The following NFKB1 variants were observed in gnomAD, a reference collection of about 807,000 sequenced individuals.
NFKB1 encodes nuclear factor NF-kappa-B p105 subunit.
In NFKB1, 9 loss-of-function variants were observed where a neutral mutation model predicts 105.1. The observed-to-expected ratio is 0.09, with a 90% CI of 0.05 to 0.15. The LOEUF (loss-of-function observed/expected upper bound fraction) is 0.15. NFKB1 is among the 10% of genes least tolerant of loss of function. The probability of loss-of-function intolerance (pLI) is 1.00; values close to 1 mark genes in which losing one functional copy is unlikely to be tolerated. For missense variants in NFKB1, 830 were observed against 1,203.7 expected (o/e 0.69, Z 4.59); for synonymous variants, 440 against 442.2 (o/e 1.00, Z 0.06).
At chr4:102,600,395 T>G (rs1395505528) in intron 15 of NFKB1, among the ~76,000 whole-genome samples, 1 of 152,192 alleles carries the variant, frequency 6.6e-6, no homozygotes, top group African/African-American at 2.4e-5. Context: ...TCTGGAAAGA[T>G]CTTTAAAAAA....
At chr4:102,533,118 G>A (rs368079039) in intron 3 of NFKB1, among the ~76,000 whole-genome samples, 3 of 152,106 alleles carry the variant, frequency 2.0e-5, no homozygotes, top group African/African-American at 7.2e-5. Flanking sequence ...TTAGAACACA[G>A]TTTATATGAT....
In NFKB1 at chr4:102,504,923, G is replaced by A. The variant is rs550824780; in HGVS notation, c.-8+3135G>A. On this transcript the variant is annotated intron_variant, in intron 1 of 23. Coordinates refer to ENST00000226574, the MANE Select transcript of NFKB1 (RefSeq NM_003998.4). ...ATTAATATTTGAAACCACATAATTT[G>A]GACAGTTAATAGTTCTGGTAACATA... Among the ~76,000 whole-genome samples, 48 of 152,148 alleles carry A rather than the reference G, an allele frequency of 3.2e-4. No homozygotes were observed. The South Asian group carries it at 9.7e-3, about 31-fold the overall frequency.
intron 1 of NFKB1, chr4:102,511,053 C>CT: frequency 1.4e-6 from 1 of 730,550 alleles, no homozygotes; most frequent in Non-Finnish European, 1.9e-6. Context: ...TATAGAAGCT[C>CT]TTCCATCTTC....
chr4:102,613,006 A>G (rs1728567669), intron 22 of NFKB1, among the ~76,000 whole-genome samples: 1 of 148,090 alleles, frequency 6.8e-6, no homozygotes, highest in African/African-American at 2.5e-5. Flanking sequence ...TTACCCGGGG[A>G]TTTTTTTTTT....
At chr4:102,616,273 T>A (rs1006935267) in intron 23 of NFKB1, among the ~76,000 whole-genome samples, 161 bp from the exon 24 acceptor site, 1 of 152,236 alleles carries the variant, frequency 6.6e-6, no homozygotes, top group African/African-American at 2.4e-5. Flanking sequence ...CCCAAGTATC[T>A]TCTGCCCTTC....
chr4:102,567,119 A>G lies in NFKB1; in HGVS notation c.391A>G (p.Lys131Glu). The G allele has an allele frequency of 1.2e-6, 2 of 1,613,784 alleles. No individual in the cohort carries two copies. Among genetic ancestry groups the G allele is most frequent in the Non-Finnish European group, 1.7e-6 (2 of 1,179,718 alleles). Residue 131 changes from lysine (K) to glutamate (E), a missense_variant, in exon 6 of 24, where the codon AAG (lysine) becomes GAG (glutamate). Physicochemically the swap from Lys to Glu is moderately conservative, Grantham distance 56. This residue lies in a region of NFKB1 where 64 missense variants were observed against 79.9 expected (regional missense o/e 0.80). Transcript: ENST00000226574. Reference sequence around the variant, plus strand: ...GATCTGCACTGTAACTGCTGGACCCAAGGACATGGTGGTCGGGTAAGTAGG... The same window carrying G: ...GATCTGCACTGTAACTGCTGGACCCGAGGACATGGTGGTCGGGTAAGTAGG... ...DGICTVTAGP[K>E]DMVVGFANLG...
intron 5 of NFKB1, among the ~76,000 whole-genome samples, chr4:102,556,448 G>A (rs1722994915): frequency 6.6e-6 from 1 of 152,174 alleles, no homozygotes. Flanking sequence ...ATCTCTTTGA[G>A]CAGGAAGAAG....
intron 5 of NFKB1, among the ~76,000 whole-genome samples, chr4:102,561,276 T>TG (rs1415819353): frequency 0.011 from 1,052 of 93,892 alleles, 10 homozygotes; most frequent in African/African-American, 0.05. Flanking sequence ...TTTTTTTTTT[T>TG]TTTTTTGTGT....
At chr4:102,529,195 G>A (rs1008177731) in intron 2 of NFKB1, among the ~76,000 whole-genome samples, 1 of 152,064 alleles carries the variant, frequency 6.6e-6, no homozygotes, top group Non-Finnish European at 1.5e-5. Context: ...TTAGGGGGTC[G>A]TTATTCAGCT....
intron 5 of NFKB1, among the ~76,000 whole-genome samples, chr4:102,553,598 G>A (rs959057653): frequency 2.0e-5 from 3 of 151,930 alleles, no homozygotes; most frequent in African/African-American, 7.3e-5. Context: ...ATGTTATTAG[G>A]ATTTTTAAAA....
intron 4 of NFKB1, among the ~76,000 whole-genome samples, chr4:102,536,583 T>G (rs1031461341): frequency 3.3e-5 from 5 of 152,192 alleles, no homozygotes; most frequent in African/African-American, 1.2e-4. Context: ...CTTGGCATAA[T>G]GAAATGTAGT....
In NFKB1 at chr4:102,616,656, A is replaced by T; in HGVS notation, c.*62A>T. ...CCTAAAATTCCACTGCGTTGTCCACAAGACAGAAGCTGAAGTGCATCCAAA... is the reference window on the plus strand; with the variant it reads ...CCTAAAATTCCACTGCGTTGTCCACTAGACAGAAGCTGAAGTGCATCCAAA... On this transcript the variant is annotated 3_prime_UTR_variant, in exon 24 of 24. Coordinates refer to ENST00000226574, the MANE Select transcript of NFKB1 (RefSeq NM_003998.4). The T allele has an allele frequency of 6.4e-7, 1 of 1,557,812 alleles. No individual in the cohort carries two copies. Among genetic ancestry groups the T allele is most frequent in the South Asian group, 1.2e-5 (1 of 85,278 alleles).
chr4:102,576,318 A>G lies in NFKB1; in HGVS notation c.408-558A>G, dbSNP rs1236323406. On this transcript the variant is annotated intron_variant, in intron 6 of 23. Transcript: ENST00000226574. ...TTCAAAAGGAAAATAATCATTCCAA[A>G]TATAATATTCTTCTTATTCTTAAGA... 2.0e-5 allele frequency among the ~76,000 whole-genome samples: 3 copies of G among 152,334 alleles called. No individual in the cohort carries two copies. The East Asian group carries it at 5.8e-4, about 29-fold the overall frequency.
At chr4:102,528,542 C>A (rs1560644389) in intron 2 of NFKB1, among the ~76,000 whole-genome samples, 1 of 152,046 alleles carries the variant, frequency 6.6e-6, no homozygotes, top group Non-Finnish European at 1.5e-5. Flanking sequence ...AGGAGACAAA[C>A]TGTAATACTG....
chr4:102,542,434 G>A (rs1026991109), intron 5 of NFKB1, among the ~76,000 whole-genome samples: 3 of 151,974 alleles, frequency 2.0e-5, no homozygotes, highest in African/African-American at 7.3e-5. Context: ...TGACATAACA[G>A]ACACTATGTA....
chr4:102,607,617 A>C (rs963976369), intron 18 of NFKB1, 32 bp from the exon 19 acceptor site: 65 of 1,606,298 alleles, frequency 4.0e-5, no homozygotes, highest in Non-Finnish European at 5.3e-5. Context: ...AGAACCTTCC[A>C]CTAACGCTTT....
At chr4:102,611,170 C>A (rs1030078924) in intron 20 of NFKB1, among the ~76,000 whole-genome samples, 1 of 152,168 alleles carries the variant, frequency 6.6e-6, no homozygotes, top group African/African-American at 2.4e-5. Flanking sequence ...GGGCTGAGAT[C>A]TGAAGGTATA....
At chr4:102,529,120 C>T (rs560351765) in intron 2 of NFKB1, among the ~76,000 whole-genome samples, 73 of 152,256 alleles carry the variant, frequency 4.8e-4, no homozygotes, top group African/African-American at 1.7e-3. Context: ...TAATGACATA[C>T]GTAAATTTCC....
intron 16 of NFKB1, among the ~76,000 whole-genome samples, chr4:102,604,795 T>C (rs536692825): frequency 1.1e-4 from 17 of 152,214 alleles, no homozygotes; most frequent in South Asian, 6.2e-4. Flanking sequence ...CCCAGATACA[T>C]CTGCAAGAGT....
Sources: allele counts gnomAD v4.1 joint callset (sites outside exome capture counted in the v4.1 genomes callset), GRCh38; gene constraint gnomAD v4.1.1; regional missense constraint gnomAD v4.1.1; transcripts MANE v1.5; gene names NCBI Gene and HGNC (gene_info 2026-07-23, HGNC 2026-07-21).